Variants in ATP6V0A4 observed in about 807,000 individuals in gnomAD.
ATP6V0A4 encodes the protein V-type proton ATPase 116 kDa subunit a 4.
In ATP6V0A4, 86 loss-of-function variants were observed where a neutral mutation model predicts 107.3. The observed-to-expected ratio is 0.80, with a 90% CI of 0.67 to 0.96. The LOEUF is 0.96. Among genes scored for constraint, ATP6V0A4 ranks in the 40% least tolerant of loss-of-function variants. ATP6V0A4 has a pLI of 0.00. For synonymous variants in ATP6V0A4, 353 were observed against 381.4 expected, an observed-to-expected ratio of 0.93 and a Z score of 0.87; for missense variants, 908 against 1,045.6, an observed-to-expected ratio of 0.87 and a Z score of 1.81.
At chr7:138,730,731 AT>A (rs905874531) in intron 17 of ATP6V0A4, among the ~76,000 whole-genome samples, 2 of 152,128 alleles carry the variant, frequency 1.3e-5, no homozygotes, top group African/African-American at 4.8e-5. Context: ...GGAAATCCAA[AT>A]AAATGTTTGT....
At chr7:138,763,286 C>T (rs1199751229) in intron 5 of ATP6V0A4, among the ~76,000 whole-genome samples, 1 of 152,104 alleles carries the variant, frequency 6.6e-6, no homozygotes, top group Non-Finnish European at 1.5e-5. Context: ...ATGGCCACTT[C>T]ATGGAGAAGT....
chr7:138,733,021 T>C lies in ATP6V0A4; in HGVS notation c.1764A>G (p.Gly588=). 1 of 1,613,906 alleles carries C rather than the reference T, an allele frequency of 6.2e-7. No homozygotes were observed. The highest frequency in any genetic ancestry group is 8.5e-7 in the Non-Finnish European group (1 of 1,179,988). The change falls in exon 17 of 22, where the codon GGA becomes GGG. Residue 588 remains glycine, a synonymous_variant. Transcript: ENST00000310018. ...PEMIFILCLF[G]YLVFMIIFKW... ...TGAAAATGATCATGAAAACCAGGTA[T>C]CCAAACAGACACAGGATAAAAATCA...
chr7:138,789,893 C>T (rs13239027), intron 1 of ATP6V0A4, among the ~76,000 whole-genome samples: 6,587 of 91,844 alleles, frequency 0.072, no homozygotes, highest in Admixed American at 0.087. Flanking sequence ...CACTTGAACC[C>T]GGGAGGCAGA....
At chr7:138,723,987 C>G (rs1209838454) in intron 18 of ATP6V0A4, among the ~76,000 whole-genome samples, 2 of 146,002 alleles carry the variant, frequency 1.4e-5, no homozygotes, top group Non-Finnish European at 3.0e-5. Flanking sequence ...CCTAGGAGTT[C>G]AAGGTCAGCC....
chr7:138,737,113 T>TACA (rs71531977), intron 15 of ATP6V0A4, among the ~76,000 whole-genome samples: 1 of 113,092 alleles, frequency 8.8e-6, no homozygotes, highest in Non-Finnish European at 1.8e-5. Context: ...TAAGCCCTTA[T>TACA]TAATATATAT....
At chr7:138,752,966 T>A in intron 10 of ATP6V0A4, 129 bp from the exon 11 acceptor site, 1 of 1,521,050 alleles carries the variant, frequency 6.6e-7, no homozygotes, top group Non-Finnish European at 8.8e-7. Flanking sequence ...CCTGTGGCTG[T>A]CACCTGGCCT....
chr7:138,731,331 T>C (rs1805004802), intron 17 of ATP6V0A4, among the ~76,000 whole-genome samples: 1 of 152,186 alleles, frequency 6.6e-6, no homozygotes, highest in African/African-American at 2.4e-5. Context: ...TGACATTAAC[T>C]ACGACATCTG....
chr7:138,789,825 T>A (rs377041447), intron 1 of ATP6V0A4, among the ~76,000 whole-genome samples: 15 of 31,382 alleles, frequency 4.8e-4, no homozygotes, highest in African/African-American at 1.3e-3. Flanking sequence ...CAAAATTAGC[T>A]GGGCATGGTG....
At chr7:138,787,386 C>T (rs1424545894) in intron 1 of ATP6V0A4, among the ~76,000 whole-genome samples, 1 of 152,148 alleles carries the variant, frequency 6.6e-6, no homozygotes, top group Admixed American at 6.5e-5. Context: ...GGTTACATGA[C>T]TCCTCCAAGG....
At chr7:138,718,100 G>GT in intron 19 of ATP6V0A4, among the ~76,000 whole-genome samples, 1 of 79,140 alleles carries the variant, frequency 1.3e-5, no homozygotes. Flanking sequence ...AGGAATGGGG[G>GT]GCGGGGGTGC....
At chr7:138,737,459 G>A (rs1261033898) in intron 15 of ATP6V0A4, among the ~76,000 whole-genome samples, 2 of 151,836 alleles carry the variant, frequency 1.3e-5, no homozygotes, top group Non-Finnish European at 2.9e-5. Context: ...TCTCAGGGAT[G>A]TCTTTATCAC....
chr7:138,729,414 C>T (rs1804877748), intron 17 of ATP6V0A4, among the ~76,000 whole-genome samples: 1 of 152,234 alleles, frequency 6.6e-6, no homozygotes, highest in South Asian at 2.1e-4. Context: ...CGCTACCTGA[C>T]TTTCATCCCT....
intron 17 of ATP6V0A4, among the ~76,000 whole-genome samples, chr7:138,730,676 T>C (rs753893654): frequency 1.5e-4 from 23 of 152,144 alleles, no homozygotes; most frequent in Non-Finnish European, 3.2e-4. Context: ...CACGAACTAT[T>C]TTGGTGAATC....
At chr7:138,787,553 G>C (rs1377731452) in intron 1 of ATP6V0A4, among the ~76,000 whole-genome samples, 1 of 152,200 alleles carries the variant, frequency 6.6e-6, no homozygotes, top group Non-Finnish European at 1.5e-5. Context: ...TAAGGAGGCT[G>C]AGGTGGGAGG....
intron 1 of ATP6V0A4, chr7:138,797,802 C>T (rs1008553798): frequency 4.2e-6 from 2 of 478,126 alleles, no homozygotes; most frequent in African/African-American, 3.9e-5. Flanking sequence ...TCTCTCTTGT[C>T]CTCCCCTTGT....
At chr7:138,753,377 C>T (rs145351780) in intron 10 of ATP6V0A4, among the ~76,000 whole-genome samples, 5 of 152,270 alleles carry the variant, frequency 3.3e-5, no homozygotes, top group South Asian at 2.1e-4. Flanking sequence ...TCAGGTCTTC[C>T]GAGGGAGCAC....
chr7:138,763,364 A>G (rs1185927990), intron 5 of ATP6V0A4, among the ~76,000 whole-genome samples: 1 of 152,212 alleles, frequency 6.6e-6, no homozygotes, highest in Non-Finnish European at 1.5e-5. Context: ...GCGGTGGCTC[A>G]TGCCTGTAAT....
intron 1 of ATP6V0A4, among the ~76,000 whole-genome samples, chr7:138,788,763 G>A (rs1259357139): frequency 6.6e-6 from 1 of 152,164 alleles, no homozygotes; most frequent in East Asian, 1.9e-4. Context: ...TAGGAAATGA[G>A]TCTCACAAGA....
intron 4 of ATP6V0A4, 112 bp downstream of exon 4, chr7:138,769,061 T>C: frequency 6.4e-7 from 1 of 1,561,132 alleles, no homozygotes; most frequent in Non-Finnish European, 8.7e-7. Context: ...TGGGACCACC[T>C]CAAAAAGTAT....
Sources: gnomAD v4.1 joint callset for allele counts (sites outside exome capture counted in the v4.1 genomes callset) on GRCh38, gnomAD v4.1.1 for gene constraint, MANE v1.5 for transcripts, NCBI Gene and HGNC (gene_info 2026-07-23, HGNC 2026-07-21) for gene names.